The following LEMD1 variants were observed in gnomAD, a reference collection of about 807,000 sequenced individuals.
LEMD1 encodes LEM domain containing 1.
In LEMD1, 18 loss-of-function variants were observed where a neutral mutation model predicts 17.4. That is an observed-to-expected ratio of 1.04 (90% CI 0.72 to 1.54). The LOEUF is 1.54. Ranked by LOEUF, LEMD1 falls within the 40% of genes most tolerant of loss-of-function variation. The pLI is 0.00. For missense variants in LEMD1, 195 were observed against 210.4 expected (o/e 0.93, Z 0.45); for synonymous variants, 88 against 77.8 (o/e 1.13, Z -0.69).
intron 1 of LEMD1, chr1:205,440,900 C>T (rs938644936): frequency 6.6e-6 from 1 of 152,318 alleles, no homozygotes; most frequent in African/African-American, 2.4e-5. Context: ...CTGCTGGGGG[C>T]TTGATGGAGG....
At chr1:205,431,259 T>G (rs1666122312) in intron 1 of LEMD1, among the ~76,000 whole-genome samples, 1 of 152,256 alleles carries the variant, frequency 6.6e-6, no homozygotes, top group Non-Finnish European at 1.5e-5. Flanking sequence ...ATTGACTGAA[T>G]GTCTACTTCG....
intron 4 of LEMD1, among the ~76,000 whole-genome samples, chr1:205,392,768 G>A (rs966124098): frequency 6.6e-6 from 1 of 152,116 alleles, no homozygotes; most frequent in Non-Finnish European, 1.5e-5. Flanking sequence ...AAGGAGAGAA[G>A]AATGAGGTGG....
intron 1 of LEMD1, chr1:205,437,715 C>T (rs1046738417): frequency 1.3e-5 from 2 of 152,218 alleles, no homozygotes; most frequent in African/African-American, 4.8e-5. Flanking sequence ...GCCCTGGACT[C>T]CAAAGGAGAC....
intron 5 of LEMD1, among the ~76,000 whole-genome samples, chr1:205,382,429 A>G (rs998240744): frequency 6.6e-6 from 1 of 151,980 alleles, no homozygotes; most frequent in Non-Finnish European, 1.5e-5. Context: ...AAAAAATTAA[A>G]AAATAAATTT....
intron 3 of LEMD1, among the ~76,000 whole-genome samples, chr1:205,417,882 G>A (rs1490049262): frequency 4.0e-5 from 6 of 151,242 alleles, no homozygotes; most frequent in South Asian, 4.2e-4. Flanking sequence ...TAGAAATTAC[G>A]AGAAAAATGT....
At chr1:205,385,796 C>G (rs1165045364) in intron 4 of LEMD1, 1 of 152,284 alleles carries the variant, frequency 6.6e-6, no homozygotes, top group African/African-American at 2.4e-5. Context: ...GCCCAGGACC[C>G]TTGAACATAA....
chr1:205,430,414 A>G (rs976002167), intron 1 of LEMD1, among the ~76,000 whole-genome samples: 2 of 152,170 alleles, frequency 1.3e-5, no homozygotes, highest in African/African-American at 4.8e-5. Flanking sequence ...TAGGAAGTAT[A>G]GAGGGAGGCT....
chr1:205,395,115 A>C (rs1664528757), intron 4 of LEMD1, among the ~76,000 whole-genome samples: 1 of 152,150 alleles, frequency 6.6e-6, no homozygotes, highest in East Asian at 1.9e-4. Context: ...TACATACTGA[A>C]ATTTTGGGCA....
At chr1:205,387,694 A>T (rs1304309523) in intron 4 of LEMD1, among the ~76,000 whole-genome samples, 1 of 152,184 alleles carries the variant, frequency 6.6e-6, no homozygotes, top group Non-Finnish European at 1.5e-5. Context: ...AGAGCTGGGG[A>T]ATATGTGGCC....
chr1:205,391,635 C>T lies in LEMD1; in HGVS notation c.271-7271G>A, dbSNP rs554193210. 2.6e-5 allele frequency among the ~76,000 whole-genome samples: 4 copies of T among 152,246 alleles called. No homozygotes were observed. The East Asian group carries it at 5.8e-4, about 22-fold the overall frequency. On this transcript the variant is annotated intron_variant, in intron 4 of 5. Transcript: ENST00000367153. ...CCGCGCCTGGGTGGTGTCAATGGAG[C>T]GCACATGGGAGCCCTCCCAGCAGCC...
intron 4 of LEMD1, among the ~76,000 whole-genome samples, chr1:205,405,175 T>A (rs1339935230): frequency 6.6e-6 from 1 of 152,118 alleles, no homozygotes; most frequent in African/African-American, 2.4e-5. Flanking sequence ...CTGACAATTA[T>A]GTGTCTTGGA....
chr1:205,445,509 A>G lies in LEMD1; in HGVS notation c.-39+4359T>C, dbSNP rs150368763. ...TCACAGGCCAAGGCCTCTGCCTCCA[A>G]TGGCCTTCAGAGACCACAGACCCTA... On this transcript the variant is annotated intron_variant, in intron 1 of 3. Transcript: ENST00000367154. Among the ~76,000 whole-genome samples the G allele has an allele frequency of 1.8e-3, 272 of 152,338 alleles. 2 individuals carry two copies. The highest frequency in any genetic ancestry group is 6.1e-3 in the African/African-American group (255 of 41,584).
chr1:205,381,405 T>C lies in LEMD1; in HGVS notation c.*253A>G, dbSNP rs2102323601. ...TCCTTGTTTGACGCCTGCTCAAATA[T>C]GGAAGCACCTTTAATGAGAGTTGAC... On this transcript the variant is annotated 3_prime_UTR_variant, in exon 6 of 6. Transcript: ENST00000367153. 3.9e-6 allele frequency: 2 copies of C among 509,294 alleles called. No individual in the cohort carries two copies. Among genetic ancestry groups the C allele is most frequent in the Non-Finnish European group, 7.1e-6 (2 of 283,530 alleles). The allele number at this position is 509,294 out of a possible 1,614,324, so 31.5% of individuals were successfully genotyped here. A position where few individuals can be genotyped will look rare whatever the true frequency, so the allele number is the denominator to read the frequency against.
chr1:205,410,929 GAGAA>G (rs1665362096), intron 4 of LEMD1, among the ~76,000 whole-genome samples: 3 of 142,770 alleles, frequency 2.1e-5, no homozygotes, highest in African/African-American at 7.8e-5. Context: ...GGAAAGAAAA[GAGAA>G]AGAAAGGAAG....
In LEMD1 at chr1:205,448,699, C is replaced by G. The variant is rs926261944; in HGVS notation, c.-39+1169G>C. On this transcript the variant is annotated intron_variant, in intron 1 of 3. Transcript: ENST00000367154. The surrounding 1 kb of genome is among the most constrained non-coding windows in gnomAD (Gnocchi z 4.7). ...TCAAATTCCCTTAATTAGCTTCCAG[C>G]CCCCTGCCCAGGGTCCTTAACTACC... 6.6e-6 allele frequency among the ~76,000 whole-genome samples: 1 copy of G among 152,136 alleles called. No individual in the cohort carries two copies. The highest frequency in any genetic ancestry group is 1.5e-5 in the Non-Finnish European group (1 of 68,032).
At chr1:205,427,294 A>G (rs1666069894) in intron 1 of LEMD1, among the ~76,000 whole-genome samples, 1 of 152,008 alleles carries the variant, frequency 6.6e-6, no homozygotes, top group Non-Finnish European at 1.5e-5. Flanking sequence ...GTAAGGCCTC[A>G]GTATGACAAC....
Position 205,420,472 on chromosome 1 carries a change from G to GA in LEMD1, c.64dup (p.Ser22PhefsTer14). The GA allele has an allele frequency of 6.2e-7, 1 of 1,613,698 alleles. No individual in the cohort carries two copies. The highest frequency in any genetic ancestry group is 1.6e-4 in the Middle Eastern group (1 of 6,062). The stretch of plus-strand genomic sequence containing the variant: ...GTACATACGTAGTATTGGGCCAGGT[G>GA]AAAATCCAAGCTTCTCAAGTTGGTT... On this transcript the variant is annotated frameshift_variant, in exon 2 of 6. Coordinates refer to ENST00000367153, the MANE Select transcript of LEMD1 (RefSeq NM_001199050.2). LOFTEE classifies it high-confidence loss of function.
At position 205,384,407 on chromosome 1, in the gene LEMD1, T is replaced by C. The variant is rs2274701; in HGVS notation, c.271-43A>G. The C allele has an allele frequency of 4.6e-5, 58 of 1,265,444 alleles. No homozygotes were observed. In the East Asian group the frequency reaches 1.7e-3, roughly 36 times the overall value. 78.4% of individuals were successfully genotyped at this position (1,265,444 alleles called of 1,614,324 possible). A position where few individuals can be genotyped will look rare whatever the true frequency, so the allele number is the denominator to read the frequency against. On this transcript the variant is annotated intron_variant, in intron 4 of 5. Coordinates refer to ENST00000367153, the MANE Select transcript of LEMD1 (RefSeq NM_001199050.2). Reference sequence around the variant, plus strand: ...AATGTCAAGAGGAATTTGTTTCCAATGTCTTATACAAATAACCTTGGTTTT... The same window carrying C: ...AATGTCAAGAGGAATTTGTTTCCAACGTCTTATACAAATAACCTTGGTTTT...
chr1:205,413,587 CTTTTTTTTTT>C (rs781477988), intron 4 of LEMD1, among the ~76,000 whole-genome samples: 7 of 72,478 alleles, frequency 9.7e-5, no homozygotes, highest in Non-Finnish European at 1.4e-4. Context: ...CCATGCCCAA[CTTTTTTTTTT>C]TTTTTTTTTT....
Sources: allele counts gnomAD v4.1 joint callset (sites outside exome capture counted in the v4.1 genomes callset), GRCh38; gene constraint gnomAD v4.1.1; non-coding constraint Gnocchi (gnomAD v3.1); transcripts MANE v1.5; gene names NCBI Gene and HGNC (gene_info 2026-07-23, HGNC 2026-07-21).